The following RBFOX1 variants were observed in gnomAD, a reference collection of about 807,000 sequenced individuals.
The protein encoded by RBFOX1 is RNA binding fox-1 homolog 1.
In RBFOX1, 8 loss-of-function variants were observed where a neutral mutation model predicts 57.7. The ratio of observed to expected loss-of-function variants is 0.14; its 90% CI spans 0.08 to 0.25. The LOEUF (loss-of-function observed/expected upper bound fraction) is 0.25. Ranked by LOEUF, RBFOX1 falls within the 10% of genes least tolerant of loss-of-function variation. The pLI is 1.00. For missense variants in RBFOX1, 611 were observed against 548.5 expected (o/e 1.11, Z -1.14); for synonymous variants, 326 against 222.4 (o/e 1.47, Z -4.15).
At chr16:6,331,346 C>A (rs1482980797) in intron 2 of RBFOX1, among the ~76,000 whole-genome samples, 1 of 151,962 alleles carries the variant, frequency 6.6e-6, no homozygotes, top group Admixed American at 6.6e-5. Flanking sequence ...ACTGGGGAGG[C>A]TGAGGCAGGA....
chr16:6,694,089 AATT>A (rs2060662307), intron 3 of RBFOX1, among the ~76,000 whole-genome samples: 1 of 152,218 alleles, frequency 6.6e-6, no homozygotes, highest in Non-Finnish European at 1.5e-5. Context: ...AAATTTCAAT[AATT>A]CAACACCCAG....
At chr16:5,442,458 G>C (rs1385630775) in intron 1 of RBFOX1, among the ~76,000 whole-genome samples, 2 of 152,206 alleles carry the variant, frequency 1.3e-5, no homozygotes, top group African/African-American at 4.8e-5. Context: ...AAAAGCACAG[G>C]GTGCTGAGTG....
At chr16:6,817,416 G>A (rs888767954) in intron 3 of RBFOX1, among the ~76,000 whole-genome samples, 2 of 151,828 alleles carry the variant, frequency 1.3e-5, no homozygotes, top group African/African-American at 2.4e-5. Context: ...ACTTTTAGCT[G>A]GACGCAGTGG....
intron 4 of RBFOX1, among the ~76,000 whole-genome samples, chr16:7,444,261 G>C (rs574674613): frequency 6.6e-6 from 1 of 152,246 alleles, no homozygotes; most frequent in African/African-American, 2.4e-5. Context: ...TTTCCTAATG[G>C]GTCATCCAGA....
At chr16:6,145,807 G>A (rs1413440291) in intron 1 of RBFOX1, among the ~76,000 whole-genome samples, 1 of 152,140 alleles carries the variant, frequency 6.6e-6, no homozygotes, top group Non-Finnish European at 1.5e-5. Flanking sequence ...GAAAAAAGAA[G>A]CCAACCAGAC....
At chr16:6,547,026 A>G (rs1406983203) in intron 2 of RBFOX1, among the ~76,000 whole-genome samples, 3 of 152,210 alleles carry the variant, frequency 2.0e-5, no homozygotes, top group Non-Finnish European at 2.9e-5. Flanking sequence ...GCAGATTTTT[A>G]AAGTGCCTGA....
At chr16:6,205,682 C>G (rs1169313982) in intron 1 of RBFOX1, among the ~76,000 whole-genome samples, 1 of 151,946 alleles carries the variant, frequency 6.6e-6, no homozygotes, top group Non-Finnish European at 1.5e-5. Context: ...CACCACACAT[C>G]ACTGATAGGC....
At chr16:5,342,762 T>G (rs1322184862) in intron 1 of RBFOX1, among the ~76,000 whole-genome samples, 1 of 152,182 alleles carries the variant, frequency 6.6e-6, no homozygotes, top group African/African-American at 2.4e-5. Context: ...CATCCAAACC[T>G]TCATTAAGAT....
rs529061495 is a variant in RBFOX1, at chr16:6,935,722, C to T, written c.-15-116335C>T. On this transcript the variant is annotated intron_variant, in intron 3 of 15. Coordinates refer to ENST00000550418, the MANE Select transcript of RBFOX1 (RefSeq NM_018723.4). ...TTTGAGAATCAGTGTGGCAGCTAAG[C>T]GAGACATCTTCCTTGTTTTAATCAG... 1.7e-3 allele frequency among the ~76,000 whole-genome samples: 254 copies of T among 152,230 alleles called. 1 individual carries two copies. Among genetic ancestry groups the T allele is most frequent in the African/African-American group, 5.5e-3 (230 of 41,534 alleles).
intron 14 of RBFOX1, among the ~76,000 whole-genome samples, chr16:7,688,098 G>A (rs865819151): frequency 2.6e-5 from 4 of 152,140 alleles, no homozygotes; most frequent in Admixed American, 6.5e-5. Context: ...ATCCCAATAC[G>A]TACAGGTAGA....
At chr16:5,627,537 A>T (rs2048380918) in intron 3 of RBFOX1, among the ~76,000 whole-genome samples, 1 of 152,158 alleles carries the variant, frequency 6.6e-6, no homozygotes, top group African/African-American at 2.4e-5. Context: ...TTTTTATATT[A>T]AAAAATCTCA....
intron 1 of RBFOX1, among the ~76,000 whole-genome samples, chr16:5,315,688 G>A (rs749701044): frequency 1.3e-5 from 2 of 152,196 alleles, no homozygotes; most frequent in Non-Finnish European, 2.9e-5. Flanking sequence ...TTGCTTTGCT[G>A]GTGAGTGCTG....
At chr16:5,693,379 A>G (rs79548948) in intron 3 of RBFOX1, among the ~76,000 whole-genome samples, 1 of 150,566 alleles carries the variant, frequency 6.6e-6, no homozygotes, top group African/African-American at 2.4e-5. Flanking sequence ...AAAAAAAAAC[A>G]AAAACAAAAT....
intron 4 of RBFOX1, among the ~76,000 whole-genome samples, chr16:5,868,432 A>G (rs1401624066): frequency 1.3e-5 from 2 of 152,220 alleles, no homozygotes; most frequent in Non-Finnish European, 2.9e-5. Context: ...CAGGTATACC[A>G]TGGGGATGGT....
intron 3 of RBFOX1, among the ~76,000 whole-genome samples, chr16:6,879,056 G>T (rs1307882762): frequency 6.6e-6 from 1 of 152,136 alleles, no homozygotes; most frequent in Non-Finnish European, 1.5e-5. Flanking sequence ...TAGTGTTTCA[G>T]CCCACTCTTT....
intron 4 of RBFOX1, among the ~76,000 whole-genome samples, chr16:7,189,889 C>T (rs983123050): frequency 6.6e-6 from 1 of 152,210 alleles, no homozygotes; most frequent in African/African-American, 2.4e-5. Context: ...CAACTCACAT[C>T]CATAAGAAAA....
At chr16:6,185,328 C>A (rs1447324221) in intron 1 of RBFOX1, among the ~76,000 whole-genome samples, 1 of 152,152 alleles carries the variant, frequency 6.6e-6, no homozygotes, top group African/African-American at 2.4e-5. Flanking sequence ...CTCTTGAATT[C>A]ATTCCAACAA....
intron 1 of RBFOX1, among the ~76,000 whole-genome samples, chr16:6,193,392 C>CACAT (rs1555545384): frequency 0.044 from 1,881 of 43,214 alleles, 70 homozygotes; most frequent in Non-Finnish European, 0.052. Context: ...TATATATATA[C>CACAT]TATATATATA....
intron 2 of RBFOX1, among the ~76,000 whole-genome samples, chr16:6,446,837 C>G (rs1172457659): frequency 6.6e-6 from 1 of 152,038 alleles, no homozygotes; most frequent in African/African-American, 2.4e-5. Context: ...ATTACATTAC[C>G]TTTGCTTGTC....
Sources: gnomAD v4.1 joint callset for allele counts (sites outside exome capture counted in the v4.1 genomes callset) on GRCh38, gnomAD v4.1.1 for gene constraint, MANE v1.5 for transcripts, NCBI Gene and HGNC (gene_info 2026-07-23, HGNC 2026-07-21) for gene names.